The following FER1L6 variants were observed in gnomAD, a reference collection of about 807,000 sequenced individuals.
The protein encoded by FER1L6 is fer-1 like family member 6.
FER1L6 carries 177 observed loss-of-function variants against 219.2 expected under a neutral mutation model. That is an observed-to-expected ratio of 0.81 (90% confidence interval 0.71 to 0.91). The LOEUF (loss-of-function observed/expected upper bound fraction) is 0.91. Ranked by LOEUF, FER1L6 falls within the 40% of genes least tolerant of loss-of-function variation. The pLI is 0.00. For synonymous variants in FER1L6, 768 were observed against 824.3 expected (o/e 0.93, Z 1.17); for missense variants, 2,153 against 2,259.9 (o/e 0.95, Z 0.96).
At chr8:124,074,754 G>T (rs1821211509) in intron 31 of FER1L6, among the ~76,000 whole-genome samples, 1 of 152,044 alleles carries the variant, frequency 6.6e-6, no homozygotes, top group Non-Finnish European at 1.5e-5. Flanking sequence ...TGCTGTGCAA[G>T]TGTCATACTG....
intron 39 of FER1L6, among the ~76,000 whole-genome samples, chr8:124,104,652 G>T (rs1412616848): frequency 6.6e-6 from 1 of 152,182 alleles, no homozygotes; most frequent in Non-Finnish European, 1.5e-5. Flanking sequence ...AATGGGGACT[G>T]CCAGGCCCAG....
intron 1 of FER1L6, among the ~76,000 whole-genome samples, chr8:123,862,730 G>T (rs200588603): frequency 6.3e-5 from 8 of 126,832 alleles, no homozygotes; most frequent in African/African-American, 1.4e-4. Flanking sequence ...GTCGAGGAAT[G>T]TATCCATTTC....
intron 1 of FER1L6, among the ~76,000 whole-genome samples, chr8:123,938,642 G>T (rs1355437912): frequency 6.7e-6 from 1 of 149,536 alleles, no homozygotes; most frequent in Non-Finnish European, 1.5e-5. Flanking sequence ...CACCTCCCGG[G>T]TTTATGCAAT....
intron 1 of FER1L6, among the ~76,000 whole-genome samples, chr8:123,926,214 T>G (rs139375701): frequency 1.4e-3 from 212 of 152,336 alleles, no homozygotes; most frequent in African/African-American, 4.7e-3. Flanking sequence ...GGGCATACAT[T>G]CCTGGAAGTT....
At chr8:124,112,351 T>A (rs1205445107) in intron 39 of FER1L6, among the ~76,000 whole-genome samples, 1 of 152,162 alleles carries the variant, frequency 6.6e-6, no homozygotes. Context: ...CAGCTTCTAG[T>A]GTGGAATGTG....
At chr8:124,076,136 T>C in intron 31 of FER1L6, 62 bp from the exon 32 acceptor site, 2 of 1,597,642 alleles carry the variant, frequency 1.3e-6, no homozygotes, top group Non-Finnish European at 1.7e-6. Flanking sequence ...ACCAAGGTAA[T>C]CCCAGTGTAC....
chr8:124,108,076 G>A (rs1005389333), intron 39 of FER1L6, among the ~76,000 whole-genome samples: 1 of 152,176 alleles, frequency 6.6e-6, no homozygotes, highest in African/African-American at 2.4e-5. Flanking sequence ...AAAGCTAACT[G>A]GGGCCAAGCA....
chr8:124,001,052 T>A (rs1178084826), intron 12 of FER1L6, among the ~76,000 whole-genome samples: 2 of 152,130 alleles, frequency 1.3e-5, no homozygotes, highest in African/African-American at 4.8e-5. Flanking sequence ...AGGATGGGCC[T>A]AAGAACACAT....
Position 123,916,751 on chromosome 8 carries a change from G to A in FER1L6, c.-7-39241G>A, listed in dbSNP as rs149644401. On this transcript the variant is annotated intron_variant, in intron 1 of 40. Transcript: ENST00000522917. Reference sequence around the variant, plus strand: ...TAATGAAATACTTCCATAGCAGTAAGTGAACAGCTCCTGTCTTGAGCCCAC... The same window carrying A: ...TAATGAAATACTTCCATAGCAGTAAATGAACAGCTCCTGTCTTGAGCCCAC... 9.2e-5 allele frequency among the ~76,000 whole-genome samples: 14 copies of A among 152,304 alleles called. 1 individual carries two copies. In the East Asian group the frequency reaches 2.7e-3, roughly 29 times the overall value.
At position 123,986,136 on chromosome 8, in the gene FER1L6, G is replaced by T; in HGVS notation, c.1479G>T (p.Arg493=). The T allele has an allele frequency of 6.2e-7, 1 of 1,613,504 alleles. No homozygotes were observed. The highest frequency in any genetic ancestry group is 8.5e-7 in the Non-Finnish European group (1 of 1,179,506). Residue 493 remains arginine, a synonymous_variant, in exon 12 of 41, where the codon CGG becomes CGT. Coordinates refer to ENST00000522917, the MANE Select transcript of FER1L6 (RefSeq NM_001039112.2). ...TTTTTGAAGCTACCATGATTGACCG[G>T]AAGATTGGAGATAAACCCATCAGCT... is the stretch of plus-strand genomic sequence containing the variant. ...GAFFEATMID[R]KIGDKPISFE... is the part of the protein sequence containing the mutation.
intron 32 of FER1L6, among the ~76,000 whole-genome samples, chr8:124,079,762 C>A (rs1488628329): frequency 1.3e-5 from 2 of 152,140 alleles, no homozygotes; most frequent in Admixed American, 6.5e-5. Flanking sequence ...GGGAGAGGTA[C>A]AGGGGCCTTT....
chr8:123,852,698 C>G lies in FER1L6; in HGVS notation c.-8+513C>G, dbSNP rs888478852. 6.6e-6 allele frequency among the ~76,000 whole-genome samples: 1 copy of G among 152,082 alleles called. No homozygotes were observed. Among genetic ancestry groups the G allele is most frequent in the Admixed American group, 6.6e-5 (1 of 15,258 alleles). On this transcript the variant is annotated intron_variant, in intron 1 of 40. Transcript: ENST00000522917. This position sits in a 1 kb window ranked among gnomAD's most constrained non-coding sequence, Gnocchi z 4.9. Reference sequence around the variant, plus strand: ...AAAGTTGCAAAGATAATTGAGTTCTCTTAAATTTCTCACTCAGTTTTCCCT... The same window carrying G: ...AAAGTTGCAAAGATAATTGAGTTCTGTTAAATTTCTCACTCAGTTTTCCCT...
chr8:124,034,484 T>C (rs1283129633), intron 18 of FER1L6, among the ~76,000 whole-genome samples: 1 of 152,190 alleles, frequency 6.6e-6, no homozygotes, highest in African/African-American at 2.4e-5. Context: ...TGTACACACA[T>C]ACATGTGGAC....
At chr8:123,954,101 C>T (rs147392325) in intron 1 of FER1L6, among the ~76,000 whole-genome samples, 168 of 152,252 alleles carry the variant, frequency 1.1e-3, no homozygotes, top group African/African-American at 3.9e-3. Context: ...TCTAACAATC[C>T]TGTAGAGTAG....
At position 124,048,910 on chromosome 8, in the gene FER1L6, A is replaced by AT. The variant is rs138995688; in HGVS notation, c.2725-692dup. On this transcript the variant is annotated intron_variant, in intron 21 of 40. Coordinates refer to ENST00000522917, the MANE Select transcript of FER1L6 (RefSeq NM_001039112.2). ...CCTTTGGAATGTTTGCTGCCGCCTG[A>AT]TTTTTCCTTTTCCCCTTCCAGTCTT... is the stretch of plus-strand genomic sequence containing the variant. 3.9e-3 allele frequency among the ~76,000 whole-genome samples: 594 copies of AT among 152,034 alleles called. 3 individuals carry two copies. The highest frequency in any genetic ancestry group is 0.014 in the African/African-American group (573 of 41,480).
chr8:124,076,157 G>A (rs760446316), intron 31 of FER1L6, 41 bp from the exon 32 acceptor site: 45 of 1,610,796 alleles, frequency 2.8e-5, no homozygotes, highest in Middle Eastern at 3.3e-4. Context: ...AACCAATGTT[G>A]AGAGCTATTG....
chr8:124,111,689 G>A lies in FER1L6; in HGVS notation c.5290-7155G>A, dbSNP rs1449856210. 1.3e-5 allele frequency among the ~76,000 whole-genome samples: 2 copies of A among 152,262 alleles called. No homozygotes were observed. Among genetic ancestry groups the A allele is most frequent in the Admixed American group, 6.5e-5 (1 of 15,292 alleles). On this transcript the variant is annotated intron_variant, in intron 39 of 40. Coordinates refer to ENST00000522917, the MANE Select transcript of FER1L6 (RefSeq NM_001039112.2). The surrounding 1 kb of genome is among the most constrained non-coding windows in gnomAD (Gnocchi z 5.0). Reference sequence around the variant, plus strand: ...ACTTCCTGACATTACCGTGGCATTTGTAAACTATCATGGCACTCGCCGGTG... The same window carrying A: ...ACTTCCTGACATTACCGTGGCATTTATAAACTATCATGGCACTCGCCGGTG...
chr8:123,858,288 A>AT (rs1471207037), intron 1 of FER1L6, among the ~76,000 whole-genome samples: 1 of 152,252 alleles, frequency 6.6e-6, no homozygotes, highest in Non-Finnish European at 1.5e-5. Context: ...TTTTTAGAAT[A>AT]TAGGAGAATA....
chr8:123,951,909 A>G (rs1027439191), intron 1 of FER1L6, among the ~76,000 whole-genome samples: 1 of 152,172 alleles, frequency 6.6e-6, no homozygotes, highest in Non-Finnish European at 1.5e-5. Flanking sequence ...TGTTGACACA[A>G]GTAACTTAGT....
Sources: allele counts gnomAD v4.1 joint callset (sites outside exome capture counted in the v4.1 genomes callset), GRCh38; gene constraint gnomAD v4.1.1; non-coding constraint Gnocchi (gnomAD v3.1); transcripts MANE v1.5; gene names NCBI Gene and HGNC (gene_info 2026-07-23, HGNC 2026-07-21).